Variants in HNRNPLL observed in about 807,000 individuals in gnomAD.
The protein encoded by HNRNPLL is heterogeneous nuclear ribonucleoprotein L like, also known as heterogeneous nuclear ribonucleoprotein L-like.
HNRNPLL carries 25 observed loss-of-function variants against 67.1 expected under a neutral mutation model. The ratio of observed to expected loss-of-function variants is 0.37; its 90% confidence interval spans 0.27 to 0.52. The LOEUF is 0.52. HNRNPLL is among the 20% of genes least tolerant of loss of function. The pLI is 0.90. For synonymous variants in HNRNPLL, 267 were observed against 241.7 expected, an observed-to-expected ratio of 1.10 and a Z score of -0.97; for missense variants, 542 against 673.9, an observed-to-expected ratio of 0.80 and a Z score of 2.17.
At chr2:38,582,811 T>C (rs188520314) in intron 4 of HNRNPLL, among the ~76,000 whole-genome samples, 78 of 151,544 alleles carry the variant, frequency 5.1e-4, no homozygotes, top group African/African-American at 1.8e-3. Flanking sequence ...TCCCAGCTAC[T>C]TGGGAGGCTG....
At position 38,583,941 on chromosome 2, in the gene HNRNPLL, A is replaced by C. The variant is rs768720458; in HGVS notation, c.547-15T>G. On this transcript the variant is annotated splice_polypyrimidine_tract_variant and intron_variant, in intron 3 of 12. Transcript: ENST00000449105. ...TATAAAACATCCTATGAAGGAAAAG[A>C]AAAAGATTTCTTCACACTTTACATC... 1.6e-6 allele frequency: 2 copies of C among 1,236,430 alleles called. No individual in the cohort carries two copies. Among genetic ancestry groups the C allele is most frequent in the Non-Finnish European group, 2.3e-6 (2 of 883,718 alleles). 76.6% of individuals were successfully genotyped at this position (1,236,430 alleles called of 1,614,324 possible). A position where few individuals can be genotyped will look rare whatever the true frequency, so the allele number is the denominator to read the frequency against.
chr2:38,602,387 C>T, intron 1 of HNRNPLL, 51 bp downstream of exon 1: 1 of 1,529,782 alleles, frequency 6.5e-7, no homozygotes, highest in African/African-American at 1.4e-5. Flanking sequence ...CGAGGCCCTG[C>T]TTCCCGGGGA....
chr2:38,583,205 A>C (rs750559784), intron 4 of HNRNPLL, among the ~76,000 whole-genome samples: 5 of 152,216 alleles, frequency 3.3e-5, no homozygotes, highest in Non-Finnish European at 7.3e-5. Context: ...AAAAAATAAA[A>C]TCACAAAGGT....
At chr2:38,575,116 C>T (rs188583625) in intron 7 of HNRNPLL, among the ~76,000 whole-genome samples, 1 of 151,752 alleles carries the variant, frequency 6.6e-6, no homozygotes, top group African/African-American at 2.4e-5. Flanking sequence ...ATCTACTGCC[C>T]TAAGTAACAA....
chr2:38,582,194 T>G, intron 4 of HNRNPLL, 26 bp from the exon 5 acceptor site: 1 of 1,487,848 alleles, frequency 6.7e-7, no homozygotes, highest in East Asian at 2.3e-5. Context: ...GAAATTCGGT[T>G]TAAGGTATCT....
intron 6 of HNRNPLL, among the ~76,000 whole-genome samples, chr2:38,579,914 T>G (rs1364921239): frequency 6.6e-6 from 1 of 152,030 alleles, no homozygotes; most frequent in Non-Finnish European, 1.5e-5. Context: ...AACAAAAAAT[T>G]TTCCTTCAAA....
intron 6 of HNRNPLL, chr2:38,581,595 T>G: frequency 2.4e-6 from 1 of 420,574 alleles, no homozygotes; most frequent in Non-Finnish European, 4.2e-6. Flanking sequence ...AGTTTGCAGT[T>G]TGTAAGGAAT....
chr2:38,563,568 A>C lies in HNRNPLL; in HGVS notation c.*614T>G, dbSNP rs981858547. The stretch of plus-strand genomic sequence containing the variant: ...CTAGAAACAGAGGCATGTCAATACA[A>C]ATGGACAGTGACTTAAAAAAAAATA... On this transcript the variant is annotated 3_prime_UTR_variant, in exon 13 of 13. Transcript: ENST00000449105. 6.6e-6 allele frequency: 1 copy of C among 152,154 alleles called. No individual in the cohort carries two copies. Among genetic ancestry groups the C allele is most frequent in the Non-Finnish European group, 1.5e-5 (1 of 67,968 alleles). 9.4% of individuals were successfully genotyped at this position (152,154 alleles called of 1,614,324 possible).
Position 38,573,326 on chromosome 2 carries a change from A to G in HNRNPLL, c.976T>C (p.Tyr326His), listed in dbSNP as rs766858328. ...CCAGAGGGATTTCCTCCATGCATGT[A>G]AGAGGAAGAAGCCTGTGGTAATGGA... is the stretch of plus-strand genomic sequence containing the variant. The part of the protein sequence containing the change: ...AYPLPQASSS[Y>H]MHGGNPSGSV... Residue 326 changes from tyrosine (Y) to histidine (H), a missense_variant, in exon 8 of 13, where the codon TAC (tyrosine) becomes CAC (histidine). Tyr to His is a moderately conservative substitution (Grantham distance 83). Around this residue, in one of 2 missense-constraint regions of HNRNPLL, gnomAD observed 415 missense variants for 575.2 expected, o/e 0.72. Coordinates refer to ENST00000449105, the MANE Select transcript of HNRNPLL (RefSeq NM_138394.4). The G allele has an allele frequency of 3.1e-6, 5 of 1,611,592 alleles. No homozygotes were observed. The South Asian group carries it at 4.4e-5, about 14-fold the overall frequency.
chr2:38,583,016 G>T (rs145336966), intron 4 of HNRNPLL, among the ~76,000 whole-genome samples: 95 of 152,108 alleles, frequency 6.2e-4, no homozygotes, highest in African/African-American at 2.2e-3. Context: ...CCCTAGCAAA[G>T]GACAACTTGC....
chr2:38,602,051 C>T (rs1041501829), intron 1 of HNRNPLL: 2 of 219,476 alleles, frequency 9.1e-6, no homozygotes, highest in Non-Finnish European at 1.8e-5. Context: ...CTGCTGCGGG[C>T]AGAGGGACTG....
At chr2:38,589,092 G>C (rs552335305) in intron 2 of HNRNPLL, among the ~76,000 whole-genome samples, 26 of 152,080 alleles carry the variant, frequency 1.7e-4, no homozygotes, top group African/African-American at 6.0e-4. Context: ...GGAGAGAAGG[G>C]GAAAAAGAAA....
chr2:38,564,324 T>TTA, intron 12 of HNRNPLL, 87 bp from the exon 13 acceptor site: 1 of 740,424 alleles, frequency 1.4e-6, no homozygotes, highest in Non-Finnish European at 2.4e-6. Flanking sequence ...CTTCACCTTT[T>TTA]TATACTAAAT....
In HNRNPLL at chr2:38,602,830, T is replaced by C. The variant is rs747948284; in HGVS notation, c.-204A>G. ...TGAGGGGGGCGCCCCGGGAGGAAGC[T>C]CTGGAGCGGCCGCTCCTCTCAATTA... On this transcript the variant is annotated 5_prime_UTR_variant, in exon 1 of 13. Coordinates refer to ENST00000449105, the MANE Select transcript of HNRNPLL (RefSeq NM_138394.4). The C allele has an allele frequency of 3.2e-6, 5 of 1,548,514 alleles. No homozygotes were observed. The highest frequency in any genetic ancestry group is 4.4e-6 in the Non-Finnish European group (5 of 1,146,044).
chr2:38,587,792 G>A (rs767190858), intron 2 of HNRNPLL, among the ~76,000 whole-genome samples: 8 of 152,226 alleles, frequency 5.3e-5, no homozygotes, highest in Non-Finnish European at 7.4e-5. Flanking sequence ...TCCAAACCTC[G>A]TATTGAATTG....
At chr2:38,574,952 TG>T (rs1249463427) in intron 7 of HNRNPLL, among the ~76,000 whole-genome samples, 4 of 151,842 alleles carry the variant, frequency 2.6e-5, no homozygotes, top group African/African-American at 9.7e-5. Context: ...CATAATATAC[TG>T]CCTCCCCGCC....
chr2:38,576,633 T>G (rs148214149), intron 7 of HNRNPLL, among the ~76,000 whole-genome samples: 5 of 151,826 alleles, frequency 3.3e-5, no homozygotes, highest in Admixed American at 2.0e-4. Context: ...AGAATGGTCA[T>G]TAAAGTAAGT....
chr2:38,569,793 T>A lies in HNRNPLL; in HGVS notation c.1214+11A>T. 1 of 1,334,498 alleles carries A rather than the reference T, an allele frequency of 7.5e-7. No individual in the cohort carries two copies. The highest frequency in any genetic ancestry group is 1.0e-6 in the Non-Finnish European group (1 of 959,842). The allele number at this position is 1,334,498 out of a possible 1,614,324, so 82.7% of individuals were successfully genotyped here. On this transcript the variant is annotated intron_variant, in intron 9 of 12. Coordinates refer to ENST00000449105, the MANE Select transcript of HNRNPLL (RefSeq NM_138394.4). The stretch of plus-strand genomic sequence containing the variant: ...ATTTTTTAAAATTTATCATTTAAGA[T>A]AGATAATTACCAAACATTAAGTCTT...
At chr2:38,596,962 T>TA (rs1416868125) in intron 1 of HNRNPLL, among the ~76,000 whole-genome samples, 1 of 152,226 alleles carries the variant, frequency 6.6e-6, no homozygotes, top group Non-Finnish European at 1.5e-5. Context: ...CCAGTCTACT[T>TA]ACAGACATTT....
Sources: gnomAD v4.1 joint callset for allele counts (sites outside exome capture counted in the v4.1 genomes callset) on GRCh38, gnomAD v4.1.1 for gene constraint, gnomAD v4.1.1 regional missense constraint, MANE v1.5 for transcripts, NCBI Gene and HGNC (gene_info 2026-07-23, HGNC 2026-07-21) for gene names.